INPPL1: variants seen among roughly 807,000 people sequenced by gnomAD.
INPPL1 encodes inositol polyphosphate phosphatase like 1, also known as phosphatidylinositol 3,4,5-trisphosphate 5-phosphatase 2.
INPPL1 carries 91 observed loss-of-function variants against 139.3 expected under a neutral mutation model. That is an observed-to-expected ratio of 0.65 (90% CI 0.55 to 0.78). The LOEUF (loss-of-function observed/expected upper bound fraction) is 0.78. Ranked by LOEUF, INPPL1 falls within the 30% of genes least tolerant of loss-of-function variation. The pLI, the probability that INPPL1 is intolerant of heterozygous loss-of-function variation, is 0.00. For missense variants in INPPL1, 1,411 were observed against 1,665.6 expected (o/e 0.85, Z 2.66); for synonymous variants, 719 against 686.6 (o/e 1.05, Z -0.74).
chr11:72,237,676 G>A lies in INPPL1; in HGVS notation c.3432G>A (p.Ala1144=), dbSNP rs904832406. The A allele has an allele frequency of 9.9e-6, 16 of 1,611,732 alleles. No homozygotes were observed. The highest frequency in any genetic ancestry group is 2.7e-5 in the African/African-American group (2 of 74,928). ...CCCCTGCTGGGCCTGCACGCTCAGC[G>A]CTCCTCCCAGGCCCCCTGGAGCTGC... is the stretch of plus-strand genomic sequence containing the variant. ...DYAPAGPARS[A]LLPGPLELQP... Residue 1144 remains alanine, a synonymous_variant, in exon 26 of 28, where the codon GCG becomes GCA. Coordinates refer to ENST00000298229, the MANE Select transcript of INPPL1 (RefSeq NM_001567.4).
rs1310977306 is a variant in INPPL1, at chr11:72,224,919, C to T, written c.-66C>T. 4 of 1,010,492 alleles carry T rather than the reference C, an allele frequency of 4.0e-6. No homozygotes were observed. In the African/African-American group the frequency reaches 6.9e-5, roughly 17 times the overall value. The allele number at this position is 1,010,492 out of a possible 1,614,324, so 62.6% of individuals were successfully genotyped here. A position where few individuals can be genotyped will look rare whatever the true frequency, so the allele number is the denominator to read the frequency against. On this transcript the variant is annotated 5_prime_UTR_variant, in exon 1 of 28. Coordinates refer to ENST00000298229, the MANE Select transcript of INPPL1 (RefSeq NM_001567.4). ...CCCCGGGCCCGGCCCCAGCCTCAGC[C>T]CTGAGCGTCTCGGGGCGGATGGCGC...
In INPPL1 at chr11:72,228,474, C is replaced by A; in HGVS notation, c.373C>A (p.Pro125Thr). The change falls in exon 3 of 28, where the codon CCA (proline) becomes ACA (threonine). Residue 125 changes from proline to threonine, a missense_variant. By Grantham distance (38) the Pro-to-Thr change is conservative. This residue lies in a region of INPPL1 where 504 missense variants were observed against 595.6 expected (regional missense o/e 0.85). Transcript: ENST00000298229. The surrounding 1 kb of genome is among the most constrained non-coding windows in gnomAD (Gnocchi z 5.0). ...LPVEGEREPD[P>T]PDDRDASDGE... is the part of the protein sequence containing the mutation. ...TGTAGAGGGTGAGCGAGAGCCGGAC[C>A]CACCGGATGACCGGGATGCCTCAGG... 6.2e-7 allele frequency: 1 copy of A among 1,609,120 alleles called. No individual in the cohort carries two copies. Among genetic ancestry groups the A allele is most frequent in the Non-Finnish European group, 8.5e-7 (1 of 1,179,976 alleles).
chr11:72,229,816 C>T (rs1948779854), intron 7 of INPPL1, 64 bp downstream of exon 7: 5 of 1,559,360 alleles, frequency 3.2e-6, no homozygotes, highest in South Asian at 2.2e-5. Flanking sequence ...TAGCACTGAT[C>T]TCAACCCTCA....
In INPPL1 at chr11:72,229,569, GGGAGACCTCTGGGAGGT is replaced by G; in HGVS notation, c.753+13_753+29del. 1.2e-6 allele frequency: 2 copies of G among 1,613,876 alleles called. No individual in the cohort carries two copies. Among genetic ancestry groups the G allele is most frequent in the Non-Finnish European group, 1.7e-6 (2 of 1,179,798 alleles). On this transcript the variant is annotated intron_variant, in intron 6 of 27. Coordinates refer to ENST00000298229, the MANE Select transcript of INPPL1 (RefSeq NM_001567.4). ...CTTTTGCAGCAGCAGGTAGATTGTA[GGGAGACCTCTGGGAGGT>G]GCGTTCGTGTTCTGGAGCTGGGTGG...
chr11:72,229,323 C>T (rs1025634834), intron 5 of INPPL1, 93 bp downstream of exon 5: 52 of 1,445,628 alleles, frequency 3.6e-5, no homozygotes, highest in Non-Finnish European at 4.2e-5. Flanking sequence ...ATCTCTGATC[C>T]TGAACAGTGA....
upstream of INPPL1, chr11:72,223,804 G>C (rs889041247): frequency 6.6e-6 from 1 of 150,712 alleles, no homozygotes; most frequent in Non-Finnish European, 1.5e-5. Flanking sequence ...GCGGGGCGGG[G>C]TGAGGCGAGG....
Position 72,235,454 on chromosome 11 carries a change from G to A in INPPL1, c.2659+3G>A. On this transcript the variant is annotated splice_donor_region_variant and intron_variant, in intron 23 of 27. Transcript: ENST00000298229. The surrounding 1 kb of genome is among the most constrained non-coding windows in gnomAD (Gnocchi z 4.9). Reference sequence around the variant, plus strand: ...GGGCACCCGTGAGCGGCTCTACGGTGGGGACTCCACTGGGACATGAGATAG... The same window carrying A: ...GGGCACCCGTGAGCGGCTCTACGGTAGGGACTCCACTGGGACATGAGATAG... 2 of 1,611,154 alleles carry A rather than the reference G, an allele frequency of 1.2e-6. No individual in the cohort carries two copies. Among genetic ancestry groups the A allele is most frequent in the Non-Finnish European group, 1.7e-6 (2 of 1,179,612 alleles).
chr11:72,231,159 CAAG>C lies in INPPL1; in HGVS notation c.1468_1470del (p.Lys490del). The C allele has an allele frequency of 6.2e-7, 1 of 1,613,348 alleles. No homozygotes were observed. Among genetic ancestry groups the C allele is most frequent in the Non-Finnish European group, 8.5e-7 (1 of 1,179,962 alleles). ...GGCTGGACCTACTGCGCGGGGGCCTCAAGGAGCTTACGGATCTGGATTACCGCC... is the reference window on the plus strand; with the variant it reads ...GGCTGGACCTACTGCGCGGGGGCCTCGAGCTTACGGATCTGGATTACCGCC... On this transcript the variant is annotated inframe_deletion, in exon 12 of 28. Transcript: ENST00000298229.
Position 72,237,342 on chromosome 11 carries a change from G to T in INPPL1, c.3098G>T (p.Arg1033Leu). ...CAGCTTGGGCACCACCGGCACCCTC[G>T]TGTGGGAGAGGGGAGTTCTTCAGAT... ...APQLGHHRHP[R>L]VGEGSSSDEE... The change falls in exon 26 of 28, where the codon CGT (arginine) becomes CTT (leucine). Residue 1033 changes from arginine (R) to leucine (L), a missense_variant. Arg to Leu is a moderately radical substitution (Grantham distance 102, BLOSUM62 -2). This residue lies in a region of INPPL1 where 438 missense variants were observed against 425.7 expected (regional missense o/e 1.03). Transcript: ENST00000298229. 1 of 1,613,982 alleles carries T rather than the reference G, an allele frequency of 6.2e-7. No homozygotes were observed. The highest frequency in any genetic ancestry group is 1.1e-5 in the South Asian group (1 of 91,084).
In INPPL1 at chr11:72,237,974, G is replaced by A. The variant is rs898298376; in HGVS notation, c.3553-68G>A. On this transcript the variant is annotated intron_variant, in intron 26 of 27. Coordinates refer to ENST00000298229, the MANE Select transcript of INPPL1 (RefSeq NM_001567.4). The stretch of plus-strand genomic sequence containing the variant: ...CCCTTCCTTTTCCCCAGAGCATGCA[G>A]CAGAATGTGACTGCAGGTGTTTCTA... The A allele has an allele frequency of 1.3e-5, 19 of 1,491,250 alleles. 1 individual carries two copies. The South Asian group carries it at 2.6e-4, about 21-fold the overall frequency. The allele number at this position is 1,491,250 out of a possible 1,614,324, so 92.4% of individuals were successfully genotyped here.
Position 72,235,888 on chromosome 11 carries a change from G to A in INPPL1, c.2781G>A (p.Pro927=), listed in dbSNP as rs776510264. 1.1e-5 allele frequency: 17 copies of A among 1,613,102 alleles called. No individual in the cohort carries two copies. Among genetic ancestry groups the A allele is most frequent in the Admixed American group, 5.0e-5 (3 of 59,972 alleles). Residue 927 remains proline, a synonymous_variant, in exon 25 of 28, where the codon CCG becomes CCA. Coordinates refer to ENST00000298229, the MANE Select transcript of INPPL1 (RefSeq NM_001567.4). This position sits in a 1 kb window ranked among gnomAD's most constrained non-coding sequence, Gnocchi z 4.9. ...CAGCCTTCACAGAGGCCTCCTGCCC[G>A]CTCTCCAGGTTATTTGAAGAACCAG... is the stretch of plus-strand genomic sequence containing the variant. The part of the protein sequence containing the change: ...RKPAFTEASC[P]LSRLFEEPEK...
chr11:72,228,783 G>T lies in INPPL1; in HGVS notation c.454G>T (p.Ala152Ser). The T allele has an allele frequency of 6.2e-7, 1 of 1,612,562 alleles. No homozygotes were observed. The highest frequency in any genetic ancestry group is 2.2e-5 in the East Asian group (1 of 44,864). Residue 152 changes from alanine (A) to serine (S), a missense_variant, in exon 4 of 28, where the codon GCC (alanine) becomes TCC (serine). Around this residue, in one of 5 missense-constraint regions of INPPL1, gnomAD observed 504 missense variants for 595.6 expected, o/e 0.85. Transcript: ENST00000298229. This position sits in a 1 kb window ranked among gnomAD's most constrained non-coding sequence, Gnocchi z 5.0. The stretch of plus-strand genomic sequence containing the variant: ...GCGCTCTGGCTCCACCAGCATTTCT[G>T]CCCCCACTGGGCCCAGCAGTCCCCT... ...PPRSGSTSIS[A>S]PTGPSSPLPA...
At position 72,237,661 on chromosome 11, in the gene INPPL1, G is replaced by A. The variant is rs767356456; in HGVS notation, c.3417G>A (p.Gly1139=). The A allele has an allele frequency of 8.1e-6, 13 of 1,611,654 alleles. No individual in the cohort carries two copies. The African/African-American group carries it at 1.6e-4, about 20-fold the overall frequency. ...TLSEVDYAPA[G]PARSALLPGP... ...GCGAGGTGGACTATGCCCCTGCTGG[G>A]CCTGCACGCTCAGCGCTCCTCCCAG... The change falls in exon 26 of 28, where the codon GGG becomes GGA. Residue 1139 remains glycine (G), a synonymous_variant. Coordinates refer to ENST00000298229, the MANE Select transcript of INPPL1 (RefSeq NM_001567.4).
chr11:72,230,957 A>G, intron 11 of INPPL1, 36 bp from the exon 12 acceptor site: 1 of 1,610,830 alleles, frequency 6.2e-7, no homozygotes, highest in African/African-American at 1.3e-5. Context: ...CAGGTGCCTA[A>G]CCCCTCCAGA....
rs768255472 is a variant in INPPL1, at chr11:72,233,199, GCAGGC to G, written c.2040+38_2040+42del. 6.4e-6 allele frequency: 10 copies of G among 1,567,126 alleles called. No individual in the cohort carries two copies. The African/African-American group carries it at 1.2e-4, about 19-fold the overall frequency. ...AAAACGGCATGGGCCTTGGGGGACC[GCAGGC>G]CTGCGATGAATCAAGAATTTGGGTC... On this transcript the variant is annotated intron_variant, in intron 17 of 27. Coordinates refer to ENST00000298229, the MANE Select transcript of INPPL1 (RefSeq NM_001567.4).
rs1301114693 is a variant in INPPL1, at chr11:72,232,920, A to G, written c.1897A>G (p.Arg633Gly). Residue 633 changes from arginine to glycine, a missense_variant, in exon 16 of 28, where the codon AGG (arginine) becomes GGG (glycine). Arg to Gly is a moderately radical substitution (Grantham distance 125, BLOSUM62 -2). Transcript: ENST00000298229. ...ISRKEFEPLLRVDQLNLEREK... is the reference protein window; with the variant it reads ...ISRKEFEPLLGVDQLNLEREK... ...CAGGAAAGAGTTTGAGCCCCTCCTCAGGGTGGACCAGCTCAACCTGGAGCG... is the reference window on the plus strand; with the variant it reads ...CAGGAAAGAGTTTGAGCCCCTCCTCGGGGTGGACCAGCTCAACCTGGAGCG... The G allele has an allele frequency of 5.0e-6, 8 of 1,614,134 alleles. No individual in the cohort carries two copies. The highest frequency in any genetic ancestry group is 6.8e-6 in the Non-Finnish European group (8 of 1,180,022).
chr11:72,236,029 C>T (rs770771204), intron 25 of INPPL1, 43 bp downstream of exon 25: 7 of 1,128,128 alleles, frequency 6.2e-6, no homozygotes, highest in African/African-American at 1.6e-5. Context: ...CCCCCACCCA[C>T]CTCTATCCAT....
Position 72,234,519 on chromosome 11 carries a change from C to T in INPPL1, c.2327-8C>T. On this transcript the variant is annotated splice_region_variant and splice_polypyrimidine_tract_variant and intron_variant, in intron 20 of 27. Coordinates refer to ENST00000298229, the MANE Select transcript of INPPL1 (RefSeq NM_001567.4). The surrounding 1 kb of genome is among the most constrained non-coding windows in gnomAD (Gnocchi z 4.2). ...TGCTCAGTTGGGTGTCTCCCACCCCCACCCCAGAATACAAGAAGAGCTTTG... is the reference window on the plus strand; with the variant it reads ...TGCTCAGTTGGGTGTCTCCCACCCCTACCCCAGAATACAAGAAGAGCTTTG... The T allele has an allele frequency of 6.2e-7, 1 of 1,605,670 alleles. No individual in the cohort carries two copies. Among genetic ancestry groups the T allele is most frequent in the African/African-American group, 1.3e-5 (1 of 74,834 alleles).
chr11:72,232,308 C>T lies in INPPL1; in HGVS notation c.1684C>T (p.Leu562Phe), dbSNP rs1270777719. ...CTCATTTGGCTTTGTGAATTGTCAC[C>T]TCACCTCGGGAAATGAGAAGACGGC... ...GTSFGFVNCH[L>F]TSGNEKTARR... Residue 562 changes from leucine (L) to phenylalanine (F), a missense_variant, in exon 14 of 28, where the codon CTC (leucine) becomes TTC (phenylalanine). Transcript: ENST00000298229. 12 of 1,553,810 alleles carry T rather than the reference C, an allele frequency of 7.7e-6. No individual in the cohort carries two copies. The highest frequency in any genetic ancestry group is 9.6e-6 in the Non-Finnish European group (11 of 1,147,988).
Sources: allele counts gnomAD v4.1 joint callset, GRCh38; gene constraint gnomAD v4.1.1; regional missense constraint gnomAD v4.1.1; non-coding constraint Gnocchi (gnomAD v3.1); transcripts MANE v1.5; gene names NCBI Gene and HGNC (gene_info 2026-07-23, HGNC 2026-07-21).